Variants in ANO4 observed in about 807,000 individuals in gnomAD.
The protein encoded by ANO4 is anoctamin-4.
In ANO4, 69 loss-of-function variants were observed where a neutral mutation model predicts 141.9. That is an observed-to-expected ratio of 0.49 (90% CI 0.40 to 0.59). ANO4 has a LOEUF of 0.59. ANO4 is among the 20% of genes least tolerant of loss of function. ANO4 has a pLI of 0.00. For missense variants in ANO4, 894 were observed against 1,162.2 expected (o/e 0.77, Z 3.36); for synonymous variants, 350 against 394.3 (o/e 0.89, Z 1.33).
intron 3 of ANO4, among the ~76,000 whole-genome samples, chr12:100,929,645 G>A (rs2136131016): frequency 6.6e-6 from 1 of 152,136 alleles, no homozygotes; most frequent in South Asian, 2.1e-4. Context: ...AGAATTGCTG[G>A]ATCATATGGA....
intron 14 of ANO4, among the ~76,000 whole-genome samples, chr12:101,050,540 T>C (rs2136669314): frequency 6.6e-6 from 1 of 152,358 alleles, no homozygotes; most frequent in African/African-American, 2.4e-5. Context: ...AGCCATATAA[T>C]GCTTAAGCTT....
chr12:100,727,754 A>C (rs758171040), intron 1 of ANO4, among the ~76,000 whole-genome samples: 13 of 151,796 alleles, frequency 8.6e-5, no homozygotes, highest in Non-Finnish European at 1.5e-4. Context: ...CCCCTCATTT[A>C]TTTCCTTTAT....
chr12:100,808,261 A>G (rs1400485640), intron 1 of ANO4, among the ~76,000 whole-genome samples: 1 of 152,138 alleles, frequency 6.6e-6, no homozygotes, highest in Non-Finnish European at 1.5e-5. Context: ...AGCCATTCTG[A>G]CTGGTGTGAG....
chr12:101,085,278 A>G (rs887043798), intron 16 of ANO4, among the ~76,000 whole-genome samples: 1 of 152,184 alleles, frequency 6.6e-6, no homozygotes, highest in African/African-American at 2.4e-5. Context: ...AATGAAAGTC[A>G]CAAAACTTTT....
intron 7 of ANO4, among the ~76,000 whole-genome samples, chr12:100,986,318 A>C (rs1264345694): frequency 6.6e-6 from 1 of 152,184 alleles, no homozygotes; most frequent in Non-Finnish European, 1.5e-5. Flanking sequence ...GCCAATGTCC[A>C]AGGGCAGGAG....
intron 3 of ANO4, among the ~76,000 whole-genome samples, chr12:100,766,417 C>T (rs1460890940): frequency 6.6e-6 from 1 of 152,062 alleles, no homozygotes. Flanking sequence ...TTGCTGCATC[C>T]TGTGAGTTTT....
chr12:100,759,255 T>C (rs59318920), intron 3 of ANO4, among the ~76,000 whole-genome samples: 2,154 of 152,292 alleles, frequency 0.014, 66 homozygotes, highest in African/African-American at 0.05. Flanking sequence ...TGTTTTTGTG[T>C]GGTGAGAATG....
At chr12:101,051,346 T>C (rs1005675823) in intron 14 of ANO4, among the ~76,000 whole-genome samples, 2 of 152,190 alleles carry the variant, frequency 1.3e-5, no homozygotes, top group Non-Finnish European at 2.9e-5. Context: ...GGATGTTTTA[T>C]AATAAACTTT....
rs1555302952 is a variant in ANO4, at chr12:101,103,181, T to TATA, written c.2149+3461_2149+3462insATA. On this transcript the variant is annotated intron_variant, in intron 22 of 27. Transcript: ENST00000392977. The stretch of plus-strand genomic sequence containing the variant: ...AACTTTACATTTTCCTTTTTAGTCA[T>TATA]TTTATATATATATATATATATATAT... 2.4e-4 allele frequency among the ~76,000 whole-genome samples: 22 copies of TATA among 90,670 alleles called. 3 individuals carry two copies. The highest frequency in any genetic ancestry group is 1.2e-3 in the African/African-American group (22 of 19,106). The allele number at this position is 90,670 out of a possible 152,430, so 59.5% of individuals were successfully genotyped here.
chr12:100,725,656 A>G (rs934081815), intron 1 of ANO4, among the ~76,000 whole-genome samples: 5 of 152,170 alleles, frequency 3.3e-5, no homozygotes, highest in Non-Finnish European at 7.3e-5. Flanking sequence ...GGAAATTGCT[A>G]TCTTAACTGT....
chr12:101,007,298 G>A (rs901223481), intron 8 of ANO4, among the ~76,000 whole-genome samples: 4 of 152,250 alleles, frequency 2.6e-5, no homozygotes, highest in East Asian at 1.9e-4. Context: ...TGCAGTGAGC[G>A]GAGATTGCAC....
At chr12:100,912,523 G>C (rs1381262274) in intron 2 of ANO4, among the ~76,000 whole-genome samples, 1 of 150,338 alleles carries the variant, frequency 6.7e-6, no homozygotes, top group African/African-American at 2.4e-5. Flanking sequence ...GACAGAGCGA[G>C]ACTCCGTCTC....
intron 5 of ANO4, among the ~76,000 whole-genome samples, chr12:100,953,131 A>G (rs1041282510): frequency 1.3e-5 from 2 of 152,248 alleles, no homozygotes; most frequent in African/African-American, 2.4e-5. Flanking sequence ...AATCATCATT[A>G]TGTGCCACAT....
intron 1 of ANO4, among the ~76,000 whole-genome samples, chr12:100,863,510 G>C (rs2038591408): frequency 6.6e-6 from 1 of 152,100 alleles, no homozygotes; most frequent in African/African-American, 2.4e-5. Flanking sequence ...TGAAATGAAG[G>C]CTTTCGGCTG....
chr12:101,117,735 TATCATGAC>T (rs2137043363), intron 25 of ANO4, among the ~76,000 whole-genome samples: 1 of 152,294 alleles, frequency 6.6e-6, no homozygotes, highest in East Asian at 1.9e-4. Flanking sequence ...GGAGATTCCC[TATCATGAC>T]ATTCTATGTT....
intron 1 of ANO4, among the ~76,000 whole-genome samples, chr12:100,854,505 T>G (rs1184227813): frequency 6.6e-6 from 1 of 152,176 alleles, no homozygotes; most frequent in African/African-American, 2.4e-5. Context: ...CATTGAGTAT[T>G]CTGTGCCTCA....
intron 1 of ANO4, among the ~76,000 whole-genome samples, chr12:100,865,001 T>A (rs548119694): frequency 1.3e-5 from 2 of 152,310 alleles, no homozygotes; most frequent in South Asian, 4.1e-4. Flanking sequence ...ATGGTGTATA[T>A]GTGCCACATT....
At chr12:101,043,425 C>T in intron 12 of ANO4, 114 bp from the exon 13 acceptor site, 1 of 718,862 alleles carries the variant, frequency 1.4e-6, no homozygotes, top group Admixed American at 2.4e-5. Flanking sequence ...TAAGATGCTT[C>T]TAAGGGCAAA....
At chr12:101,086,921 T>G in intron 17 of ANO4, 97 bp downstream of exon 17, 1 of 1,415,322 alleles carries the variant, frequency 7.1e-7, no homozygotes, top group African/African-American at 1.4e-5. Context: ...CTCAGAGAGG[T>G]GGGCCATTCA....
Sources: allele counts gnomAD v4.1 joint callset (sites outside exome capture counted in the v4.1 genomes callset), GRCh38; gene constraint gnomAD v4.1.1; transcripts MANE v1.5; gene names NCBI Gene and HGNC (gene_info 2026-07-23, HGNC 2026-07-21).